Variants in GARS1 observed in about 807,000 individuals in gnomAD.
GARS1 encodes the protein glycyl-tRNA synthetase 1, also known as glycine--tRNA ligase.
Under a neutral mutation model 86.4 loss-of-function variants are expected in GARS1, and 46 were observed. That is an observed-to-expected ratio of 0.53 (90% confidence interval 0.42 to 0.68). The LOEUF is 0.68. Among genes scored for constraint, GARS1 ranks in the 30% least tolerant of loss-of-function variants. GARS1 has a pLI of 0.00. For missense variants in GARS1, 797 were observed against 915.6 expected (o/e 0.87, Z 1.67); for synonymous variants, 342 against 329.8 (o/e 1.04, Z -0.40).
intron 14 of GARS1, among the ~76,000 whole-genome samples, chr7:30,630,537 G>GTTTTTTTTTTTTTTTTTTTT (rs1783215119): frequency 1.8e-5 from 1 of 54,914 alleles, no homozygotes; most frequent in African/African-American, 6.8e-5. Context: ...TTTTTTTTTT[G>GTTTTTTTTTTTTTTTTTTTT]GTCTCGCTTT....
chr7:30,626,237 A>T lies in GARS1; in HGVS notation c.1617A>T (p.Glu539Asp), dbSNP rs564693398. Residue 539 changes from glutamate (E) to aspartate (D), a missense_variant, in exon 13 of 17, where the codon GAA becomes GAT. Physicochemically the swap from Glu to Asp is conservative, Grantham distance 45 (BLOSUM62 2). Transcript: ENST00000389266. Reference sequence around the variant, plus strand: ...AATGTGTTTTGTTTCTTCGTAGGGAATTCACAATTGAAACTGAAGGGAAAA... The same window carrying T: ...AATGTGTTTTGTTTCTTCGTAGGGATTTCACAATTGAAACTGAAGGGAAAA... ...EMEMLLNEKG[E>D]FTIETEGKTF... 4.4e-6 allele frequency: 7 copies of T among 1,600,410 alleles called. No homozygotes were observed. The South Asian group carries it at 7.7e-5, about 18-fold the overall frequency.
At chr7:30,601,792 T>G (rs1041450538) in intron 4 of GARS1, among the ~76,000 whole-genome samples, 64 of 152,146 alleles carry the variant, frequency 4.2e-4, no homozygotes, top group African/African-American at 1.5e-3. Flanking sequence ...TTTTTTTGTG[T>G]GTGTGAGATG....
upstream of GARS1, chr7:30,594,777 CGACCCGGCGCCGCGTCACGCGGTGGT>C: frequency 2.9e-6 from 2 of 682,116 alleles, no homozygotes; most frequent in South Asian, 3.8e-5. Context: ...TCTGCGGCGG[CGACCCGGCGCCGCGTCACGCGGTGGT>C]GAATGTGCGG....
At chr7:30,603,167 G>A (rs1791414749) in intron 5 of GARS1, 45 bp downstream of exon 5, 1 of 1,498,134 alleles carries the variant, frequency 6.7e-7, no homozygotes, top group Non-Finnish European at 9.3e-7. Flanking sequence ...CAAAATAAAA[G>A]GTTTAAACTT....
At chr7:30,615,725 A>G (rs923065765) in intron 8 of GARS1, among the ~76,000 whole-genome samples, 171 bp from the exon 9 acceptor site, 3 of 152,208 alleles carry the variant, frequency 2.0e-5, no homozygotes, top group Non-Finnish European at 4.4e-5. Context: ...ATTTAATTCA[A>G]AATTTTTTTG....
intron 14 of GARS1, 62 bp downstream of exon 14, chr7:30,628,731 T>C (rs1026082844): frequency 9.7e-7 from 1 of 1,025,808 alleles, no homozygotes; most frequent in African/African-American, 1.6e-5. Flanking sequence ...CTGAATTACA[T>C]TGTGAAGTAC....
At chr7:30,597,112 T>A (rs1354355421) in intron 1 of GARS1, among the ~76,000 whole-genome samples, 1 of 152,244 alleles carries the variant, frequency 6.6e-6, no homozygotes, top group East Asian at 1.9e-4. Flanking sequence ...TGCTGTGAGC[T>A]TGGCAGCTTC....
At chr7:30,595,170 A>C in intron 1 of GARS1, 27 bp downstream of exon 1, 2 of 1,527,638 alleles carry the variant, frequency 1.3e-6, no homozygotes, top group African/African-American at 2.7e-5. Context: ...CTCTCCGCTA[A>C]GCCTCCGGCT....
chr7:30,611,545 C>T (rs997030506), intron 7 of GARS1, among the ~76,000 whole-genome samples: 1 of 152,116 alleles, frequency 6.6e-6, no homozygotes, highest in Non-Finnish European at 1.5e-5. Context: ...AGTGCAATGG[C>T]GTGATCTCGG....
Position 30,632,353 on chromosome 7 carries a change from C to A in GARS1, c.2010C>A (p.Val670=), listed in dbSNP as rs186818221. 1.9e-6 allele frequency: 3 copies of A among 1,614,100 alleles called. No homozygotes were observed. In the Admixed American group the frequency reaches 5.0e-5, roughly 27 times the overall value. The change falls in exon 16 of 17, where the codon GTC becomes GTA. Residue 670 remains valine, a synonymous_variant. Coordinates refer to ENST00000389266, the MANE Select transcript of GARS1 (RefSeq NM_002047.4). This position sits in a 1 kb window ranked among gnomAD's most constrained non-coding sequence, Gnocchi z 4.1. ...ATGAGATTGGCGTGGCTTTTGGTGT[C>A]ACCATTGACTTTGACACAGTGAACA... ...RTDEIGVAFG[V]TIDFDTVNKT...
intron 11 of GARS1, 108 bp from the exon 12 acceptor site, chr7:30,622,209 C>A: frequency 7.6e-7 from 1 of 1,319,692 alleles, no homozygotes; most frequent in Non-Finnish European, 1.1e-6. Context: ...ATCTGGAGTA[C>A]TGATAGAGAG....
Position 30,609,734 on chromosome 7 carries a change from T to C in GARS1, c.881+4T>C, listed in dbSNP as rs1295620761. The C allele has an allele frequency of 6.2e-7, 1 of 1,613,234 alleles. No individual in the cohort carries two copies. The highest frequency in any genetic ancestry group is 8.5e-7 in the Non-Finnish European group (1 of 1,179,420). ...GGCCTGGAGGAAACATGCCTGGGTA[T>C]GTATCACTTATTGTTTACCTGTTTA... On this transcript the variant is annotated splice_donor_region_variant and intron_variant, in intron 7 of 16. Coordinates refer to ENST00000389266, the MANE Select transcript of GARS1 (RefSeq NM_002047.4).
At position 30,632,015 on chromosome 7, in the gene GARS1, T is replaced by G; in HGVS notation, c.1904-232T>G. On this transcript the variant is annotated intron_variant, in intron 15 of 16. Transcript: ENST00000389266. The surrounding 1 kb of genome is among the most constrained non-coding windows in gnomAD (Gnocchi z 4.1). ...CTCACCTTCTGGCCTTGGCTCTTGG[T>G]CCCATATTTGTTCCCCCTATAGCTG... 2 of 528,058 alleles carry G rather than the reference T, an allele frequency of 3.8e-6. No homozygotes were observed. Among genetic ancestry groups the G allele is most frequent in the Non-Finnish European group, 3.4e-6 (1 of 294,246 alleles). The allele number at this position is 528,058 out of a possible 1,614,324, so 32.7% of individuals were successfully genotyped here. A position where few individuals can be genotyped will look rare whatever the true frequency, so the allele number is the denominator to read the frequency against.
intron 2 of GARS1, among the ~76,000 whole-genome samples, 179 bp from the exon 3 acceptor site, chr7:30,599,768 T>C (rs967550388): frequency 6.6e-6 from 1 of 152,212 alleles, no homozygotes; most frequent in African/African-American, 2.4e-5. Context: ...AAGATATCTT[T>C]TATATTACTC....
intron 3 of GARS1, among the ~76,000 whole-genome samples, 159 bp from the exon 4 acceptor site, chr7:30,600,900 A>G (rs975827937): frequency 1.3e-5 from 2 of 152,228 alleles, no homozygotes; most frequent in Non-Finnish European, 2.9e-5. Flanking sequence ...TTTTACTTCC[A>G]TCAGCTAGCT....
At chr7:30,618,865 T>C (rs1347841480) in intron 10 of GARS1, among the ~76,000 whole-genome samples, 1 of 152,226 alleles carries the variant, frequency 6.6e-6, no homozygotes, top group Non-Finnish European at 1.5e-5. Flanking sequence ...TTGCTTGACA[T>C]ATGTCAAAAT....
intron 7 of GARS1, among the ~76,000 whole-genome samples, chr7:30,611,133 G>A (rs1393838833): frequency 6.6e-6 from 1 of 152,204 alleles, no homozygotes; most frequent in Non-Finnish European, 1.5e-5. Flanking sequence ...AGGAAATTGA[G>A]AGGGCAGTGG....
chr7:30,600,769 A>C (rs1163119959), intron 3 of GARS1, among the ~76,000 whole-genome samples: 1 of 152,250 alleles, frequency 6.6e-6, no homozygotes, highest in Non-Finnish European at 1.5e-5. Context: ...TTTTTACGGC[A>C]GAAAACTGTA....
Position 30,603,042 on chromosome 7 carries a change from G to T in GARS1, c.578G>T (p.Gly193Val). 1.2e-6 allele frequency: 2 copies of T among 1,613,078 alleles called. No individual in the cohort carries two copies. The highest frequency in any genetic ancestry group is 1.7e-6 in the Non-Finnish European group (2 of 1,179,172). ...GGCATTTGTTAATTTAGGACCTCTG[G>T]CCATGTAGACAAATTTGCTGACTTC... ...LTPEPVLKTSGHVDKFADFMV... is the reference protein window; with the variant it reads ...LTPEPVLKTSVHVDKFADFMV... The change falls in exon 5 of 17, where the codon GGC (glycine) becomes GTC (valine). Residue 193 changes from glycine (G) to valine (V), a missense_variant. By Grantham distance (109) the Gly-to-Val change is moderately radical. Coordinates refer to ENST00000389266, the MANE Select transcript of GARS1 (RefSeq NM_002047.4).
Sources: allele counts gnomAD v4.1 joint callset (sites outside exome capture counted in the v4.1 genomes callset), GRCh38; gene constraint gnomAD v4.1.1; non-coding constraint Gnocchi (gnomAD v3.1); transcripts MANE v1.5; gene names NCBI Gene and HGNC (gene_info 2026-07-23, HGNC 2026-07-21).